MSANTD1: variants seen among roughly 807,000 people sequenced by gnomAD.
The protein encoded by MSANTD1 is myb/SANT-like DNA-binding domain-containing protein 1.
A neutral mutation model predicts 24.2 loss-of-function variants in MSANTD1; 7 were observed. The ratio of observed to expected loss-of-function variants is 0.29; its 90% confidence interval spans 0.16 to 0.54. The LOEUF is 0.54. Ranked by LOEUF, MSANTD1 falls within the 20% of genes least tolerant of loss-of-function variation. The probability of loss-of-function intolerance (pLI) is 0.94; values close to 1 mark genes in which losing one functional copy is unlikely to be tolerated. For synonymous variants in MSANTD1, 177 were observed against 181.1 expected (o/e 0.98, Z 0.18); for missense variants, 384 against 408.2 (o/e 0.94, Z 0.51).
chr4:3,246,069 C>T (rs542667436), upstream of MSANTD1, among the ~76,000 whole-genome samples: 117 of 152,288 alleles, frequency 7.7e-4, no homozygotes, highest in Non-Finnish European at 3.4e-4. Flanking sequence ...GGACAGCCCA[C>T]CCGCCCAACC....
chr4:3,249,005 A>C, upstream of MSANTD1: 2 of 413,118 alleles, frequency 4.8e-6, no homozygotes. Context: ...CGCTCGCCGC[A>C]ATATTGATGG....
rs61746010 is a variant in MSANTD1, at chr4:3,253,418, T to C, written c.532T>C (p.Tyr178His). 1.1e-3 allele frequency: 1,689 copies of C among 1,595,380 alleles called. 13 individuals are homozygous for C. In the African/African-American group the frequency reaches 0.02, roughly 18 times the overall value. The change falls in exon 2 of 3, where the codon TAC becomes CAC. Residue 178 changes from tyrosine (Y) to histidine (H), a missense_variant. Physicochemically the swap from Tyr to His is moderately conservative, Grantham distance 83 (BLOSUM62 2). Coordinates refer to ENST00000438480, the MANE Select transcript of MSANTD1 (RefSeq NM_001042690.2). Reference protein sequence around the residue: ...PLYFPYNQCSYEGRFEDDRSD... With the variant: ...PLYFPYNQCSHEGRFEDDRSD... ...GTACTTCCCGTATAACCAGTGCTCCTACGAAGGCCGCTTCGAGGATGATCG... is the reference window on the plus strand; with the variant it reads ...GTACTTCCCGTATAACCAGTGCTCCCACGAAGGCCGCTTCGAGGATGATCG...
intron 2 of MSANTD1, among the ~76,000 whole-genome samples, chr4:3,254,046 C>G (rs1314328094): frequency 6.6e-6 from 1 of 152,246 alleles, no homozygotes; most frequent in Non-Finnish European, 1.5e-5. Context: ...CTGCAAGATG[C>G]TCACAGGGCA....
intron 2 of MSANTD1, 146 bp downstream of exon 2, chr4:3,253,628 G>A (rs571960670): frequency 1.5e-5 from 12 of 819,586 alleles, no homozygotes; most frequent in Admixed American, 1.3e-4. Flanking sequence ...AGGGACAGGC[G>A]GCCTCAGACC....
intron 1 of MSANTD1, among the ~76,000 whole-genome samples, chr4:3,252,356 C>A (rs1460688432): frequency 6.6e-6 from 1 of 152,224 alleles, no homozygotes; most frequent in Non-Finnish European, 1.5e-5. Flanking sequence ...CAGGGCAGGA[C>A]CTGTCTGCAG....
chr4:3,245,199 T>G (rs1721982519), upstream of MSANTD1: 1 of 152,410 alleles, frequency 6.6e-6, no homozygotes, highest in Non-Finnish European at 1.5e-5. Flanking sequence ...GAACCCCTCG[T>G]GAGTGGGCTT....
chr4:3,248,240 T>C (rs1722097337), upstream of MSANTD1: 1 of 152,292 alleles, frequency 6.6e-6, no homozygotes, highest in Admixed American at 6.5e-5. Context: ...CGGCAGGCTG[T>C]GGTCCTCCGG....
upstream of MSANTD1, chr4:3,247,797 T>G (rs781001843): frequency 6.6e-6 from 1 of 152,282 alleles, no homozygotes; most frequent in Admixed American, 6.5e-5. Context: ...CCAGTTCGCC[T>G]TCCCTATGCT....
intron 2 of MSANTD1, among the ~76,000 whole-genome samples, chr4:3,255,388 T>C (rs1722355225): frequency 6.6e-6 from 1 of 152,116 alleles, no homozygotes; most frequent in Non-Finnish European, 1.5e-5. Context: ...AACGCCTGGC[T>C]AATTTTTGTA....
chr4:3,256,024 A>G lies in MSANTD1; in HGVS notation c.*59A>G. 1 of 1,424,912 alleles carries G rather than the reference A, an allele frequency of 7.0e-7. No homozygotes were observed. The allele number at this position is 1,424,912 out of a possible 1,614,324, so 88.3% of individuals were successfully genotyped here. A position where few individuals can be genotyped will look rare whatever the true frequency, so the allele number is the denominator to read the frequency against. ...GCTGGTGGTACTGCTCAGGCCACCC[A>G]GGGCAGGCCACTCAGGCCAGGCGGG... On this transcript the variant is annotated 3_prime_UTR_variant, in exon 3 of 3. Transcript: ENST00000438480.
chr4:3,251,758 G>A (rs2110320764), intron 1 of MSANTD1, among the ~76,000 whole-genome samples: 1 of 151,754 alleles, frequency 6.6e-6, no homozygotes, highest in African/African-American at 2.4e-5. Flanking sequence ...GCCTGAGAGG[G>A]TGGCTGGTTC....
chr4:3,247,038 T>A (rs1313563809), upstream of MSANTD1, among the ~76,000 whole-genome samples: 1 of 151,994 alleles, frequency 6.6e-6, no homozygotes, highest in Non-Finnish European at 1.5e-5. Flanking sequence ...GCAGTGGTGG[T>A]GGTGTCCACT....
At position 3,249,421 on chromosome 4, in the gene MSANTD1, C is replaced by T; in HGVS notation, c.199C>T (p.Gln67Ter). The part of the protein sequence containing the change: ...VWEEFFDELK[Q>*]TKRNAKVYEK... ...GGAGGAGTTCTTCGACGAGCTCAAG[C>T]AGACCAAGCGCAACGCCAAGGTGTA... Residue 67 changes from glutamine (Q) to a stop codon, truncating the protein, a stop_gained, in exon 1 of 3, where the codon CAG becomes TAG. Transcript: ENST00000438480. LOFTEE classifies it high-confidence loss of function. 1.2e-6 allele frequency: 2 copies of T among 1,607,330 alleles called. No individual in the cohort carries two copies. Among genetic ancestry groups the T allele is most frequent in the Non-Finnish European group, 1.7e-6 (2 of 1,177,988 alleles).
chr4:3,255,253 C>T (rs116239669), intron 2 of MSANTD1, among the ~76,000 whole-genome samples: 3,164 of 148,116 alleles, frequency 0.021, 119 homozygotes, highest in African/African-American at 0.074. Context: ...TTTTTTGAGA[C>T]GGAGTCTCGC....
chr4:3,255,697 A>T, intron 2 of MSANTD1, 28 bp from the exon 3 acceptor site: 1 of 1,502,280 alleles, frequency 6.7e-7, no homozygotes. Context: ...TGTGGCCAGC[A>T]CGTCCACAGC....
At chr4:3,251,703 T>TG (rs1722235879) in intron 1 of MSANTD1, among the ~76,000 whole-genome samples, 1 of 151,878 alleles carries the variant, frequency 6.6e-6, no homozygotes, top group African/African-American at 2.4e-5. Context: ...CTTTTTTTTT[T>TG]TTTTACAAGA....
At chr4:3,249,967 G>A (rs1019429102) in intron 1 of MSANTD1, among the ~76,000 whole-genome samples, 4 of 152,204 alleles carry the variant, frequency 2.6e-5, no homozygotes, top group African/African-American at 9.6e-5. Context: ...CCACCACCAA[G>A]CTCCCAAGCT....
intron 2 of MSANTD1, among the ~76,000 whole-genome samples, chr4:3,254,828 T>C (rs1722337635): frequency 6.6e-6 from 1 of 152,206 alleles, no homozygotes; most frequent in African/African-American, 2.4e-5. Flanking sequence ...TACCAAGGTG[T>C]GCCGGCCCCA....
chr4:3,251,833 G>A (rs888605603), intron 1 of MSANTD1, among the ~76,000 whole-genome samples: 3 of 151,972 alleles, frequency 2.0e-5, no homozygotes, highest in Admixed American at 1.3e-4. Context: ...GCCTTTTCTC[G>A]TTTCTCCAAA....
Sources: gnomAD v4.1 joint callset for allele counts (sites outside exome capture counted in the v4.1 genomes callset) on GRCh38, gnomAD v4.1.1 for gene constraint, MANE v1.5 for transcripts, NCBI Gene and HGNC (gene_info 2026-07-23, HGNC 2026-07-21) for gene names.